ADGRG6: variants seen among roughly 807,000 people sequenced by gnomAD.
The protein encoded by ADGRG6 is adhesion G protein-coupled receptor G6, also known as G-protein coupled receptor 126.
In ADGRG6, 84 loss-of-function variants were observed where a neutral mutation model predicts 142.4. The ratio of observed to expected loss-of-function variants is 0.59; its 90% confidence interval spans 0.49 to 0.71. The LOEUF (loss-of-function observed/expected upper bound fraction) is 0.71, where lower values mean the gene tolerates loss of function less well. Among genes scored for constraint, ADGRG6 ranks in the 30% least tolerant of loss-of-function variants. The probability of loss-of-function intolerance (pLI) is 0.00; values close to 1 mark genes in which losing one functional copy is unlikely to be tolerated. For synonymous variants in ADGRG6, 521 were observed against 520.5 expected (o/e 1.00, Z -0.01); for missense variants, 1,367 against 1,466.6 (o/e 0.93, Z 1.11).
At chr6:142,315,785 C>T (rs992888068) in intron 2 of ADGRG6, among the ~76,000 whole-genome samples, 1 of 151,508 alleles carries the variant, frequency 6.6e-6, no homozygotes, top group Non-Finnish European at 1.5e-5. Flanking sequence ...GAGCCGAGAT[C>T]GTGCTGTTGC....
intron 2 of ADGRG6, among the ~76,000 whole-genome samples, chr6:142,348,104 T>C (rs1380890001): frequency 6.6e-6 from 1 of 152,202 alleles, no homozygotes; most frequent in Non-Finnish European, 1.5e-5. Flanking sequence ...TGGATTTTTC[T>C]GAACCCATTA....
chr6:142,410,543 G>A (rs995584742), intron 17 of ADGRG6, among the ~76,000 whole-genome samples: 1 of 152,054 alleles, frequency 6.6e-6, no homozygotes, highest in Non-Finnish European at 1.5e-5. Context: ...TTGTCCCCTT[G>A]TGAGGATTAT....
At chr6:142,372,876 T>C (rs537223286) in intron 4 of ADGRG6, among the ~76,000 whole-genome samples, 36 of 152,248 alleles carry the variant, frequency 2.4e-4, no homozygotes, top group Non-Finnish European at 4.3e-4. Flanking sequence ...AGTCATAGTA[T>C]AGACCATTCT....
intron 22 of ADGRG6, among the ~76,000 whole-genome samples, chr6:142,421,309 A>G (rs1582666836): frequency 6.6e-6 from 1 of 152,308 alleles, no homozygotes; most frequent in East Asian, 1.9e-4. Context: ...AATATGTATT[A>G]ACTAGTTCAG....
chr6:142,302,319 G>C lies in ADGRG6; in HGVS notation c.-11G>C. The C allele has an allele frequency of 6.2e-7, 1 of 1,613,094 alleles. No homozygotes were observed. Among genetic ancestry groups the C allele is most frequent in the Non-Finnish European group, 8.5e-7 (1 of 1,179,472 alleles). On this transcript the variant is annotated 5_prime_UTR_variant, in exon 1 of 25. Coordinates refer to ENST00000367609, the MANE Select transcript of ADGRG6 (RefSeq NM_198569.3). ...TGCGGCCAAAGGGGACCTCGGCGCA[G>C]TAATGTCAACATGTAAGTCTCACCT...
At chr6:142,327,796 A>G (rs1294535111) in intron 2 of ADGRG6, among the ~76,000 whole-genome samples, 1 of 152,154 alleles carries the variant, frequency 6.6e-6, no homozygotes, top group East Asian at 1.9e-4. Context: ...ATGATCAGTA[A>G]TCATAAACTA....
intron 1 of ADGRG6, among the ~76,000 whole-genome samples, chr6:142,305,342 C>T (rs1255239092): frequency 6.6e-6 from 1 of 151,646 alleles, no homozygotes; most frequent in Non-Finnish European, 1.5e-5. Flanking sequence ...ATACCTTTTA[C>T]CCAGAATCAC....
At chr6:142,367,120 T>C (rs1472249408) in intron 2 of ADGRG6, among the ~76,000 whole-genome samples, 2 of 152,196 alleles carry the variant, frequency 1.3e-5, no homozygotes, top group Non-Finnish European at 2.9e-5. Context: ...ATTTGTAACA[T>C]TGAGCACTAT....
Position 142,403,834 on chromosome 6 carries a change from A to T in ADGRG6, c.1988A>T (p.Lys663Met). The T allele has an allele frequency of 6.3e-7, 1 of 1,599,848 alleles. No homozygotes were observed. The highest frequency in any genetic ancestry group is 8.5e-7 in the Non-Finnish European group (1 of 1,175,490). The part of the protein sequence containing the change: ...ALKTIDELAF[K>M]IDLNSTSHVN... ...AAAACAATTGATGAATTGGCCTTCA[A>T]GATAGACCTAAATAGCACATCACAT... The change falls in exon 14 of 25, where the codon AAG becomes ATG. Residue 663 changes from lysine to methionine, a missense_variant. Lys to Met is a moderately conservative substitution (Grantham distance 95, BLOSUM62 -1). Around this residue, in one of 3 missense-constraint regions of ADGRG6, gnomAD observed 286 missense variants for 371.4 expected, o/e 0.77. Transcript: ENST00000367609.
intron 2 of ADGRG6, among the ~76,000 whole-genome samples, chr6:142,342,858 TA>T (rs35529730): frequency 6.6e-6 from 1 of 151,886 alleles, no homozygotes; most frequent in Non-Finnish European, 1.5e-5. Context: ...TTTTTTATTT[TA>T]AAATATATTT....
chr6:142,317,147 C>T (rs1281404092), intron 2 of ADGRG6, among the ~76,000 whole-genome samples: 1 of 152,088 alleles, frequency 6.6e-6, no homozygotes, highest in Non-Finnish European at 1.5e-5. Flanking sequence ...TGGTAAGCAT[C>T]CTTGATGCTT....
chr6:142,371,146 G>T (rs1262882656), intron 4 of ADGRG6, among the ~76,000 whole-genome samples: 1 of 151,712 alleles, frequency 6.6e-6, no homozygotes, highest in African/African-American at 2.4e-5. Flanking sequence ...TGAAACAAAA[G>T]AAATTAATAA....
At chr6:142,389,782 G>A (rs1265240967) in intron 6 of ADGRG6, among the ~76,000 whole-genome samples, 1 of 151,804 alleles carries the variant, frequency 6.6e-6, no homozygotes, top group Non-Finnish European at 1.5e-5. Flanking sequence ...AAAAGGAGAG[G>A]AATTAGGGTA....
intron 8 of ADGRG6, among the ~76,000 whole-genome samples, chr6:142,393,611 T>C (rs755136806): frequency 4.6e-5 from 7 of 152,158 alleles, no homozygotes; most frequent in Non-Finnish European, 1.0e-4. Context: ...AGGTGTCAAA[T>C]TGTCATATAA....
chr6:142,317,628 G>A (rs1778148732), intron 2 of ADGRG6, among the ~76,000 whole-genome samples: 1 of 143,062 alleles, frequency 7.0e-6, no homozygotes, highest in Non-Finnish European at 1.5e-5. Flanking sequence ...TTATAAATGA[G>A]CGGTGTGTGT....
intron 21 of ADGRG6, 47 bp from the exon 22 acceptor site, chr6:142,419,771 CAGG>C (rs751481484): frequency 5.6e-6 from 8 of 1,420,970 alleles, no homozygotes; most frequent in Non-Finnish European, 7.7e-6. Flanking sequence ...CTTAGGTAAA[CAGG>C]ACATGGTAAT....
At chr6:142,341,580 A>AC (rs1779647253) in intron 2 of ADGRG6, among the ~76,000 whole-genome samples, 1 of 122,832 alleles carries the variant, frequency 8.1e-6, no homozygotes, top group Non-Finnish European at 1.6e-5. Context: ...ATTATGTAGT[A>AC]TATATAATAT....
chr6:142,336,791 T>C (rs993629942), intron 2 of ADGRG6, among the ~76,000 whole-genome samples: 19 of 152,292 alleles, frequency 1.2e-4, no homozygotes, highest in Non-Finnish European at 2.9e-5. Flanking sequence ...CAAACTGAGT[T>C]TGTGAGAGAT....
intron 4 of ADGRG6, among the ~76,000 whole-genome samples, chr6:142,381,523 C>G (rs1327393412): frequency 2.0e-5 from 3 of 152,164 alleles, no homozygotes; most frequent in Non-Finnish European, 4.4e-5. Context: ...TCTGGAATTA[C>G]AAATAGCATA....
Sources: gnomAD v4.1 joint callset for allele counts (sites outside exome capture counted in the v4.1 genomes callset) on GRCh38, gnomAD v4.1.1 for gene constraint, gnomAD v4.1.1 regional missense constraint, MANE v1.5 for transcripts, NCBI Gene and HGNC (gene_info 2026-07-23, HGNC 2026-07-21) for gene names.